Variants in ABCA12 observed in about 807,000 individuals in gnomAD.
ABCA12 encodes the protein glucosylceramide transporter ABCA12.
Under a neutral mutation model 293.5 loss-of-function variants are expected in ABCA12, and 156 were observed. The ratio of observed to expected loss-of-function variants is 0.53; its 90% CI spans 0.47 to 0.61. The LOEUF is 0.61. ABCA12 is among the 20% of genes least tolerant of loss of function. The pLI is 0.00. For synonymous variants in ABCA12, 1,063 were observed against 1,108.0 expected (o/e 0.96, Z 0.81); for missense variants, 2,797 against 3,090.2 (o/e 0.91, Z 2.25).
intron 2 of ABCA12, among the ~76,000 whole-genome samples, chr2:215,076,469 G>A (rs1350887663): frequency 1.3e-5 from 2 of 152,068 alleles, no homozygotes; most frequent in African/African-American, 2.4e-5. Context: ...GGAAAACCAA[G>A]AGATTCCGTT....
intron 5 of ABCA12, among the ~76,000 whole-genome samples, chr2:215,051,124 A>C (rs1045574052): frequency 6.6e-6 from 1 of 152,192 alleles, no homozygotes; most frequent in African/African-American, 2.4e-5. Flanking sequence ...TATCTGATCC[A>C]ATGCAAGACT....
intron 3 of ABCA12, 77 bp downstream of exon 3, chr2:215,063,989 T>C (rs984501061): frequency 6.3e-7 from 1 of 1,594,506 alleles, no homozygotes; most frequent in Non-Finnish European, 8.6e-7. Flanking sequence ...TAAGCTTGCA[T>C]GGCTTCCTGG....
intron 50 of ABCA12, among the ~76,000 whole-genome samples, chr2:214,939,714 C>G (rs1265355040): frequency 6.6e-6 from 1 of 152,086 alleles, no homozygotes; most frequent in Non-Finnish European, 1.5e-5. Flanking sequence ...GTATTTTATT[C>G]TCTTTGTAGC....
chr2:214,975,362 G>T (rs1220408335), intron 34 of ABCA12, among the ~76,000 whole-genome samples: 1 of 152,172 alleles, frequency 6.6e-6, no homozygotes, highest in Non-Finnish European at 1.5e-5. Context: ...CTGTTTGGCT[G>T]CCTTCTTATT....
At chr2:215,056,111 T>C (rs1335240398) in intron 3 of ABCA12, among the ~76,000 whole-genome samples, 1 of 151,856 alleles carries the variant, frequency 6.6e-6, no homozygotes, top group African/African-American at 2.4e-5. Context: ...AAAGGGAGGA[T>C]GACAAAGATC....
intron 15 of ABCA12, among the ~76,000 whole-genome samples, chr2:215,012,858 A>G (rs1700406950): frequency 6.6e-6 from 1 of 152,216 alleles, no homozygotes; most frequent in Non-Finnish European, 1.5e-5. Context: ...TGTCAACTAC[A>G]TATTTCTTCA....
chr2:215,070,978 G>A (rs1043672965), intron 2 of ABCA12, among the ~76,000 whole-genome samples: 4 of 151,952 alleles, frequency 2.6e-5, no homozygotes, highest in Non-Finnish European at 4.4e-5. Context: ...CCAGCAGTTC[G>A]AGACAAAGCC....
At chr2:215,037,189 T>C (rs1196868250) in intron 7 of ABCA12, 124 bp from the exon 8 acceptor site, 6 of 748,090 alleles carry the variant, frequency 8.0e-6, no homozygotes, top group Admixed American at 6.6e-5. Context: ...GACAAGATGC[T>C]ACTTTTTGTA....
rs1698086212 is a variant in ABCA12 at position 214,932,382 on chromosome 2, T to C, written c.*252A>G. On this transcript the variant is annotated 3_prime_UTR_variant, in exon 53 of 53. Coordinates refer to ENST00000272895, the MANE Select transcript of ABCA12 (RefSeq NM_173076.3). ...AGGTGGCTTCACCTTTGCATAAGAA[T>C]CACCAGCATATACATTAGCATGCTC... 2.2e-6 allele frequency: 1 copy of C among 459,266 alleles called. No individual in the cohort carries two copies. Among genetic ancestry groups the C allele is most frequent in the Non-Finnish European group, 3.9e-6 (1 of 254,924 alleles). 28.4% of individuals were successfully genotyped at this position (459,266 alleles called of 1,614,324 possible). A position where few individuals can be genotyped will look rare whatever the true frequency, so the allele number is the denominator to read the frequency against.
chr2:215,045,344 G>T (rs6753372), intron 7 of ABCA12, among the ~76,000 whole-genome samples: 21,949 of 152,136 alleles, frequency 0.14, 4,784 homozygotes, highest in African/African-American at 0.47. Flanking sequence ...GCTTGGAAAG[G>T]TCATTTCTAA....
intron 42 of ABCA12, among the ~76,000 whole-genome samples, chr2:214,956,137 A>G (rs1319773187): frequency 6.6e-6 from 1 of 152,218 alleles, no homozygotes; most frequent in Non-Finnish European, 1.5e-5. Context: ...ATTAAGGGTT[A>G]CTACCATGTA....
intron 1 of ABCA12, among the ~76,000 whole-genome samples, chr2:215,137,380 A>G (rs1239520265): frequency 1.3e-5 from 2 of 152,162 alleles, no homozygotes; most frequent in Non-Finnish European, 2.9e-5. Flanking sequence ...GATTTCCCCG[A>G]TTTTCAAACA....
rs1700370288 is a variant in ABCA12 at position 215,011,459 on chromosome 2, T to A, written c.2312A>T (p.Tyr771Phe). 3 of 1,613,476 alleles carry A rather than the reference T, an allele frequency of 1.9e-6. No homozygotes were observed. In the African/African-American group the frequency reaches 4.0e-5, roughly 22 times the overall value. ...KLTKEQIASK[Y>F]GIPINSTPFC... ...CTCACTGGAATTTATGGGAATTCCA[T>A]ATTTTGAAGCAATTTGCTCTTTAGT... is the stretch of plus-strand genomic sequence containing the variant. The change falls in exon 17 of 53, where the codon TAT (tyrosine) becomes TTT (phenylalanine). Residue 771 changes from tyrosine (Y) to phenylalanine (F), a missense_variant. By Grantham distance (22) the Tyr-to-Phe change is conservative. Around this residue, in one of 3 missense-constraint regions of ABCA12, gnomAD observed 2,130 missense variants for 2,427.0 expected, o/e 0.88. Transcript: ENST00000272895.
chr2:215,081,370 C>A (rs1575030917), intron 2 of ABCA12, among the ~76,000 whole-genome samples: 2 of 150,916 alleles, frequency 1.3e-5, no homozygotes, highest in Admixed American at 1.3e-4. Flanking sequence ...CCCAGCTACT[C>A]TGGGTGCTGA....
intron 23 of ABCA12, among the ~76,000 whole-genome samples, chr2:214,993,389 T>G (rs1559135843): frequency 6.6e-6 from 1 of 152,220 alleles, no homozygotes; most frequent in Non-Finnish European, 1.5e-5. Context: ...CAGTTTGGTG[T>G]GAAAAAGACC....
At chr2:214,940,815 T>C (rs1698375340) in intron 50 of ABCA12, among the ~76,000 whole-genome samples, 1 of 152,168 alleles carries the variant, frequency 6.6e-6, no homozygotes, top group Non-Finnish European at 1.5e-5. Flanking sequence ...AGTGGTGATC[T>C]CCCCTTTATC....
chr2:215,069,303 A>G (rs1244980026), intron 2 of ABCA12, among the ~76,000 whole-genome samples: 1 of 152,048 alleles, frequency 6.6e-6, no homozygotes, highest in East Asian at 1.9e-4. Flanking sequence ...CGTGCAAATA[A>G]TGTCTCCTTG....
At chr2:215,051,588 AGAT>A (rs1701320917) in intron 5 of ABCA12, among the ~76,000 whole-genome samples, 1 of 148,382 alleles carries the variant, frequency 6.7e-6, no homozygotes, top group Non-Finnish European at 1.5e-5. Flanking sequence ...TATAAGATAT[AGAT>A]ATATTATTAA....
chr2:215,125,528 A>G (rs1702903801), intron 1 of ABCA12, among the ~76,000 whole-genome samples: 1 of 151,882 alleles, frequency 6.6e-6, no homozygotes, highest in Admixed American at 6.6e-5. Flanking sequence ...TTTGTTAGGT[A>G]TATTCCTAAG....
Sources: gnomAD v4.1 joint callset for allele counts (sites outside exome capture counted in the v4.1 genomes callset) on GRCh38, gnomAD v4.1.1 for gene constraint, gnomAD v4.1.1 regional missense constraint, MANE v1.5 for transcripts, NCBI Gene and HGNC (gene_info 2026-07-23, HGNC 2026-07-21) for gene names.